ELL: variants seen among roughly 807,000 people sequenced by gnomAD.
ELL encodes the protein elongation factor for RNA polymerase II, also known as RNA polymerase II elongation factor ELL.
ELL carries 18 observed loss-of-function variants against 64.0 expected under a neutral mutation model. The observed-to-expected ratio is 0.28, with a 90% CI of 0.19 to 0.42. The LOEUF is 0.42. Among genes scored for constraint, ELL ranks in the 10% least tolerant of loss-of-function variants. The pLI, the probability that ELL is intolerant of heterozygous loss-of-function variation, is 1.00. For missense variants in ELL, 797 were observed against 870.4 expected, an observed-to-expected ratio of 0.92 and a Z score of 1.06; for synonymous variants, 399 against 376.2, an observed-to-expected ratio of 1.06 and a Z score of -0.70.
At chr19:18,457,838 A>G (rs1438683212) in intron 6 of ELL, among the ~76,000 whole-genome samples, 2 of 152,156 alleles carry the variant, frequency 1.3e-5, no homozygotes, top group East Asian at 3.9e-4. Flanking sequence ...TCTTTTCAAA[A>G]AGTCAGTGAA....
At chr19:18,504,949 C>T (rs566407850) in intron 1 of ELL, among the ~76,000 whole-genome samples, 1 of 152,360 alleles carries the variant, frequency 6.6e-6, no homozygotes, top group East Asian at 1.9e-4. Context: ...AGGCTCTCAG[C>T]CCACAGCTCC....
At chr19:18,473,782 C>T (rs888562310) in intron 1 of ELL, among the ~76,000 whole-genome samples, 1 of 152,124 alleles carries the variant, frequency 6.6e-6, no homozygotes, top group African/African-American at 2.4e-5. Flanking sequence ...GGCTGATCAC[C>T]ATGATTCTTG....
chr19:18,485,713 C>A (rs182047345), intron 1 of ELL, among the ~76,000 whole-genome samples: 1 of 152,002 alleles, frequency 6.6e-6, no homozygotes, highest in South Asian at 2.1e-4. Flanking sequence ...ATGGGCCGGG[C>A]GCGGTGGCTC....
intron 5 of ELL, among the ~76,000 whole-genome samples, chr19:18,460,191 C>CAG (rs59770192): frequency 0.026 from 3,939 of 152,246 alleles, 107 homozygotes; most frequent in African/African-American, 0.071. Flanking sequence ...CTCAGCATGT[C>CAG]TGAGGGCCTG....
intron 1 of ELL, among the ~76,000 whole-genome samples, chr19:18,483,813 A>G (rs1975356297): frequency 6.6e-6 from 1 of 152,098 alleles, no homozygotes; most frequent in African/African-American, 2.4e-5. Flanking sequence ...GTCTCCCTCC[A>G]AGGGAGGGAC....
At chr19:18,519,579 G>A (rs1044442276) in intron 1 of ELL, among the ~76,000 whole-genome samples, 2 of 152,194 alleles carry the variant, frequency 1.3e-5, no homozygotes, top group Non-Finnish European at 2.9e-5. Flanking sequence ...GGCTGAGAAG[G>A]ACGGATCACT....
At chr19:18,468,883 A>C (rs1452527179) in intron 2 of ELL, among the ~76,000 whole-genome samples, 1 of 152,182 alleles carries the variant, frequency 6.6e-6, no homozygotes, top group African/African-American at 2.4e-5. Context: ...GGCCTGGGGC[A>C]GCTGTACACC....
intron 8 of ELL, 31 bp from the exon 9 acceptor site, chr19:18,446,845 TGC>T: frequency 6.2e-7 from 1 of 1,613,426 alleles, no homozygotes; most frequent in Non-Finnish European, 8.5e-7. Flanking sequence ...CTCCTGAGTC[TGC>T]GCCCATGGCA....
chr19:18,454,840 C>CAAAAAAAAAAAAAAAAAAAAAAAAAA (rs563546343), intron 6 of ELL, among the ~76,000 whole-genome samples: 24 of 56,512 alleles, frequency 4.2e-4, no homozygotes, highest in African/African-American at 7.8e-4. Flanking sequence ...GACTCAGTCT[C>CAAAAAAAAAAAAAAAAAAAAAAAAAA]AAAAAAAAAA....
At chr19:18,519,650 T>C (rs2144985999) in intron 1 of ELL, among the ~76,000 whole-genome samples, 1 of 151,798 alleles carries the variant, frequency 6.6e-6, no homozygotes, top group East Asian at 1.9e-4. Context: ...CTACTAAAAA[T>C]ACAAAAATTA....
At chr19:18,477,041 G>C (rs768089634) in intron 1 of ELL, among the ~76,000 whole-genome samples, 6 of 152,158 alleles carry the variant, frequency 3.9e-5, no homozygotes, top group Non-Finnish European at 5.9e-5. Context: ...AAAATGAGTC[G>C]GCACAAAGAC....
rs753665426 is a variant in ELL at position 18,446,330 on chromosome 19, G to C, written c.1683C>G (p.Ser561=). Residue 561 remains serine, a synonymous_variant, in exon 10 of 12, where the codon TCC becomes TCG. Coordinates refer to ENST00000262809, the MANE Select transcript of ELL (RefSeq NM_006532.4). ...CTACCTCATACTCCTCGGAGCCCTG[G>C]GAGAGCTGCCGGAGCTGGGCGTCGA... ...TQLDAQLRQL[S]QGSEEYETTR... 6.3e-7 allele frequency: 1 copy of C among 1,595,268 alleles called. No individual in the cohort carries two copies. The highest frequency in any genetic ancestry group is 2.3e-5 in the East Asian group (1 of 44,316).
chr19:18,461,438 G>A, intron 5 of ELL, 140 bp downstream of exon 5: 1 of 1,360,800 alleles, frequency 7.3e-7, no homozygotes, highest in South Asian at 1.4e-5. Context: ...TCTCAGGCAG[G>A]TTCTGAACCT....
intron 1 of ELL, 96 bp from the exon 2 acceptor site, chr19:18,472,978 G>A (rs1975097233): frequency 7.3e-7 from 1 of 1,367,152 alleles, no homozygotes. Context: ...GAAGGAGCAG[G>A]GTGAAGATGG....
In ELL at chr19:18,500,167, C is replaced by A. The variant is rs867323701; in HGVS notation, c.135+21754G>T. ...ACCCCAGCTACTCAGGGGGCTGAGG[C>A]AGGAGAATTGCTTGAACCTGGGAGG... On this transcript the variant is annotated intron_variant, in intron 1 of 11. Coordinates refer to ENST00000262809, the MANE Select transcript of ELL (RefSeq NM_006532.4). 2.0e-5 allele frequency among the ~76,000 whole-genome samples: 3 copies of A among 150,956 alleles called. No homozygotes were observed. The South Asian group carries it at 6.3e-4, about 31-fold the overall frequency.
chr19:18,446,953 T>G (rs1974429997), intron 8 of ELL, 139 bp from the exon 9 acceptor site: 1 of 954,960 alleles, frequency 1.0e-6, no homozygotes, highest in East Asian at 2.6e-5. Flanking sequence ...GGGATGACTG[T>G]GTGGCAGGTG....
chr19:18,461,520 C>G, intron 5 of ELL, 58 bp downstream of exon 5: 1 of 1,544,306 alleles, frequency 6.5e-7, no homozygotes, highest in Non-Finnish European at 8.7e-7. Flanking sequence ...CCATCCCACC[C>G]GCACAAGACC....
intron 2 of ELL, among the ~76,000 whole-genome samples, chr19:18,470,143 CCT>C (rs1270705680): frequency 7.2e-5 from 11 of 152,244 alleles, no homozygotes; most frequent in Non-Finnish European, 1.5e-4. Flanking sequence ...ATGGCAAAAC[CCT>C]GTCTCTAGAA....
Position 18,442,906 on chromosome 19 carries a change from T to C in ELL, c.*1846A>G, listed in dbSNP as rs1029602986. 4.4e-6 allele frequency: 1 copy of C among 229,674 alleles called. No individual in the cohort carries two copies. Among genetic ancestry groups the C allele is most frequent in the African/African-American group, 2.2e-5 (1 of 45,082 alleles). 14.2% of individuals were successfully genotyped at this position (229,674 alleles called of 1,614,324 possible). On this transcript the variant is annotated 3_prime_UTR_variant, in exon 12 of 12. Coordinates refer to ENST00000262809, the MANE Select transcript of ELL (RefSeq NM_006532.4). ...AAAATAGTATCAATAAGTTAGACCA[T>C]ATTTAATCAGCTAGAACTTTGTCCA...
Sources: allele counts gnomAD v4.1 joint callset (sites outside exome capture counted in the v4.1 genomes callset), GRCh38; gene constraint gnomAD v4.1.1; transcripts MANE v1.5; gene names NCBI Gene and HGNC (gene_info 2026-07-23, HGNC 2026-07-21).